Variants in PFKFB3 observed in about 807,000 individuals in gnomAD.
The protein encoded by PFKFB3 is 6-phosphofructo-2-kinase/fructose-2,6-biphosphatase 3.
Under a neutral mutation model 68.0 loss-of-function variants are expected in PFKFB3, and 33 were observed. The observed-to-expected ratio is 0.49, with a 90% CI of 0.37 to 0.65. The LOEUF is 0.65. Among genes scored for constraint, PFKFB3 ranks in the 30% least tolerant of loss-of-function variants. The pLI, the probability that PFKFB3 is intolerant of heterozygous loss-of-function variation, is 0.00. For missense variants in PFKFB3, 586 were observed against 712.2 expected (o/e 0.82, Z 2.02); for synonymous variants, 315 against 288.2 (o/e 1.09, Z -0.94).
At chr10:6,226,489 G>A (rs186241494) in intron 14 of PFKFB3, 124 bp downstream of exon 14, 53 of 855,654 alleles carry the variant, frequency 6.2e-5, no homozygotes, top group South Asian at 1.2e-4. Flanking sequence ...GTGCGCGTGC[G>A]TATGTTGTAG....
At chr10:6,251,544 G>C (rs550274034) in intron 14 of PFKFB3, among the ~76,000 whole-genome samples, 2 of 152,190 alleles carry the variant, frequency 1.3e-5, no homozygotes, top group Non-Finnish European at 2.9e-5. Context: ...GGGAAGCCTC[G>C]CAAGAAGAGA....
chr10:6,286,263 C>T, the PFKFB3 span, among the ~76,000 whole-genome samples: 2 of 152,118 alleles, frequency 1.3e-5, no homozygotes, highest in East Asian at 1.9e-4. Flanking sequence ...AGGCGTGAGC[C>T]ACCACGCCAG....
intron 14 of PFKFB3, among the ~76,000 whole-genome samples, chr10:6,243,242 T>C (rs926093645): frequency 2.0e-5 from 3 of 152,212 alleles, no homozygotes; most frequent in African/African-American, 7.2e-5. Flanking sequence ...AACCATGTTG[T>C]AATCCTCGGA....
chr10:6,146,594 T>G (rs1213506674), intron 1 of PFKFB3: 5 of 1,211,444 alleles, frequency 4.1e-6, no homozygotes, highest in Admixed American at 2.3e-5. Flanking sequence ...CATTTATCTC[T>G]GACTTCATCG....
the PFKFB3 span, among the ~76,000 whole-genome samples, chr10:6,272,749 A>G: frequency 6.6e-6 from 1 of 152,086 alleles, no homozygotes; most frequent in African/African-American, 2.4e-5. Flanking sequence ...CTGTGCTTTC[A>G]TGAGTTTCCG....
downstream of PFKFB3, among the ~76,000 whole-genome samples, chr10:6,256,678 T>C (rs928760027): frequency 6.6e-6 from 1 of 152,224 alleles, no homozygotes; most frequent in Non-Finnish European, 1.5e-5. Flanking sequence ...TGACGAAGCT[T>C]CTGCATTTTG....
the PFKFB3 span, among the ~76,000 whole-genome samples, chr10:6,284,123 T>C: frequency 6.6e-6 from 1 of 152,232 alleles, no homozygotes; most frequent in Admixed American, 6.5e-5. Flanking sequence ...TCTTGATGAA[T>C]GTTCCATGTG....
chr10:6,224,254 C>G (rs370475727), intron 13 of PFKFB3, 41 bp downstream of exon 13: 1 of 1,592,586 alleles, frequency 6.3e-7, no homozygotes, highest in Admixed American at 1.7e-5. Context: ...CATCATCACA[C>G]GATAGCCCTA....
rs530892399 is a variant in PFKFB3 at position 6,220,546 on chromosome 10, C to T, written c.624-112C>T. 8.9e-6 allele frequency: 8 copies of T among 903,438 alleles called. No homozygotes were observed. In the Admixed American group the frequency reaches 1.6e-4, roughly 18 times the overall value. The allele number at this position is 903,438 out of a possible 1,614,324, so 56.0% of individuals were successfully genotyped here. On this transcript the variant is annotated intron_variant, in intron 7 of 14. Transcript: ENST00000379775. The surrounding 1 kb of genome is among the most constrained non-coding windows in gnomAD (Gnocchi z 4.1). ...GGATTCAGTCTGTGCCCTGGAGGGGCCTACGGTCCCGCCTTGCTGTTCTCT... is the reference window on the plus strand; with the variant it reads ...GGATTCAGTCTGTGCCCTGGAGGGGTCTACGGTCCCGCCTTGCTGTTCTCT...
At chr10:6,175,511 G>A (rs748573966) in intron 1 of PFKFB3, among the ~76,000 whole-genome samples, 3 of 152,216 alleles carry the variant, frequency 2.0e-5, no homozygotes, top group South Asian at 2.1e-4. Flanking sequence ...CAACTAGCCC[G>A]GATCTCTCAC....
chr10:6,263,228 G>A, the PFKFB3 span, among the ~76,000 whole-genome samples: 2 of 152,242 alleles, frequency 1.3e-5, no homozygotes, highest in African/African-American at 4.8e-5. Flanking sequence ...AAAGAAATAG[G>A]TTGGGCTAGT....
At chr10:6,176,683 G>A (rs1445052757) in intron 1 of PFKFB3, among the ~76,000 whole-genome samples, 3 of 152,148 alleles carry the variant, frequency 2.0e-5, no homozygotes, top group Non-Finnish European at 2.9e-5. Context: ...ACCACACCCG[G>A]CCTCCATGTT....
intron 1 of PFKFB3, among the ~76,000 whole-genome samples, chr10:6,210,042 G>A (rs1454209456): frequency 8.0e-6 from 1 of 124,346 alleles, no homozygotes; most frequent in Non-Finnish European, 2.0e-5. Flanking sequence ...GTGAGCCACC[G>A]TGCCCGGCCT....
chr10:6,218,111 G>A lies in PFKFB3; in HGVS notation c.498+920G>A, dbSNP rs374535809. Among the ~76,000 whole-genome samples, 7 of 152,350 alleles carry A rather than the reference G, an allele frequency of 4.6e-5. No homozygotes were observed. The East Asian group carries it at 1.3e-3, about 29-fold the overall frequency. ...AGTGGGAGCAGGAGGCTCAGAGTAT[G>A]AGGGTTTGCCACCTTTCTTTGGCTG... is the stretch of plus-strand genomic sequence containing the variant. On this transcript the variant is annotated intron_variant, in intron 6 of 14. Transcript: ENST00000379775.
chr10:6,280,731 G>A, the PFKFB3 span, among the ~76,000 whole-genome samples: 3 of 152,204 alleles, frequency 2.0e-5, no homozygotes, highest in East Asian at 5.8e-4. Flanking sequence ...GAAGCAAGGG[G>A]GACTGTTCCC....
intron 1 of PFKFB3, among the ~76,000 whole-genome samples, chr10:6,156,839 C>T (rs1206972991): frequency 6.6e-6 from 1 of 151,910 alleles, no homozygotes; most frequent in African/African-American, 2.4e-5. Context: ...CGCCTGTAAT[C>T]CCAGCACTTT....
chr10:6,262,366 A>G, the PFKFB3 span, among the ~76,000 whole-genome samples: 47 of 56,798 alleles, frequency 8.3e-4, no homozygotes, highest in African/African-American at 2.3e-3. Flanking sequence ...AGGCAGGAGA[A>G]TGGCGTGAAC....
At chr10:6,199,566 C>T (rs1843265262), upstream of PFKFB3, among the ~76,000 whole-genome samples, 3 of 151,268 alleles carry the variant, frequency 2.0e-5, no homozygotes, top group South Asian at 6.3e-4. Context: ...CTCACTGCAA[C>T]CTCTGCCTCC....
intron 1 of PFKFB3, among the ~76,000 whole-genome samples, chr10:6,208,837 G>C (rs186494450): frequency 1.8e-4 from 28 of 152,260 alleles, no homozygotes; most frequent in African/African-American, 6.7e-4. Flanking sequence ...TCCATAACTG[G>C]CTCCTTGTGT....
Sources: allele counts gnomAD v4.1 joint callset (sites outside exome capture counted in the v4.1 genomes callset), GRCh38; gene constraint gnomAD v4.1.1; non-coding constraint Gnocchi (gnomAD v3.1); transcripts MANE v1.5; gene names NCBI Gene and HGNC (gene_info 2026-07-23, HGNC 2026-07-21).